The following PAQR3 variants were observed in gnomAD, a reference collection of about 807,000 sequenced individuals.
PAQR3 encodes the protein Raf kinase trapping to Golgi.
Under a neutral mutation model 41.7 loss-of-function variants are expected in PAQR3, and 39 were observed. The observed-to-expected ratio is 0.93, with a 90% CI of 0.72 to 1.22. PAQR3 has a LOEUF of 1.22. Ranked by LOEUF, PAQR3 falls within the 50% of genes most tolerant of loss-of-function variation. The pLI, the probability that PAQR3 is intolerant of heterozygous loss-of-function variation, is 0.00. For missense variants in PAQR3, 366 were observed against 385.6 expected, an observed-to-expected ratio of 0.95 and a Z score of 0.42; for synonymous variants, 140 against 140.6, an observed-to-expected ratio of 1.00 and a Z score of 0.03.
chr4:78,888,574 T>G (rs1733236676), intron 11 of PAQR3, among the ~76,000 whole-genome samples: 2 of 152,166 alleles, frequency 1.3e-5, no homozygotes, highest in South Asian at 4.1e-4. Flanking sequence ...TAATAGCATC[T>G]GAAAGAACCC....
chr4:78,925,099 T>C (rs1736059212), intron 4 of PAQR3, among the ~76,000 whole-genome samples: 1 of 152,150 alleles, frequency 6.6e-6, no homozygotes, highest in Non-Finnish European at 1.5e-5. Context: ...CTCACCGGAA[T>C]GATCTGTGAT....
rs1348034412 is a variant in PAQR3 at position 78,915,764 on chromosome 4, A to G, written c.*4775T>C. 1.3e-5 allele frequency: 2 copies of G among 152,016 alleles called. No homozygotes were observed. Among genetic ancestry groups the G allele is most frequent in the African/African-American group, 4.8e-5 (2 of 41,434 alleles). 9.4% of individuals were successfully genotyped at this position (152,016 alleles called of 1,614,324 possible). On this transcript the variant is annotated 3_prime_UTR_variant, in exon 6 of 6. Transcript: ENST00000512733. ...AGGGTTTACAAAAGCTACTAAGAGA[A>G]TAAGGTAGATGATAATGCAAAGGGT...
chr4:78,926,670 C>T lies in PAQR3; in HGVS notation c.553G>A (p.Val185Met). Residue 185 changes from valine (V) to methionine (M), a missense_variant, in exon 4 of 6, where the codon GTG becomes ATG. By Grantham distance (21) the Val-to-Met change is conservative (BLOSUM62 1). Coordinates refer to ENST00000512733, the MANE Select transcript of PAQR3 (RefSeq NM_001040202.2). The stretch of plus-strand genomic sequence containing the variant: ...TTGGGATGAATCTGCGCAAAGAACA[C>T]TGCCAGGATCATAGCAAGCACTGTG... ...LITVLAMILAVFFAQIHPNYL... is the reference protein window; with the variant it reads ...LITVLAMILAMFFAQIHPNYL... 6.2e-7 allele frequency: 1 copy of T among 1,614,056 alleles called. No homozygotes were observed. Among genetic ancestry groups the T allele is most frequent in the East Asian group, 2.2e-5 (1 of 44,886 alleles).
At chr4:78,909,103 G>T (rs1426136), downstream of PAQR3, among the ~76,000 whole-genome samples, 1 of 128,478 alleles carries the variant, frequency 7.8e-6, no homozygotes, top group Non-Finnish European at 1.6e-5. Flanking sequence ...CTTTGGCCCA[G>T]ACTGGAGTGC....
chr4:78,901,463 G>T (rs1180012547), intron 11 of PAQR3, among the ~76,000 whole-genome samples: 2 of 152,158 alleles, frequency 1.3e-5, no homozygotes, highest in Non-Finnish European at 2.9e-5. Context: ...CTTAACTGCT[G>T]AATGAAACCT....
In PAQR3 at chr4:78,931,427, T is replaced by C. The variant is rs1203819905; in HGVS notation, c.349-1102A>G. Reference sequence around the variant, plus strand: ...ATAATAATAATAATTTAAAAAACAGTGATGACTTGCTAACTTTATATGGTT... The same window carrying C: ...ATAATAATAATAATTTAAAAAACAGCGATGACTTGCTAACTTTATATGGTT... On this transcript the variant is annotated intron_variant, in intron 2 of 5. Transcript: ENST00000512733. 2.0e-5 allele frequency among the ~76,000 whole-genome samples: 3 copies of C among 152,066 alleles called. No individual in the cohort carries two copies. The East Asian group carries it at 5.8e-4, about 29-fold the overall frequency.
At chr4:78,908,907 C>T (rs1040527428), downstream of PAQR3, among the ~76,000 whole-genome samples, 2 of 152,160 alleles carry the variant, frequency 1.3e-5, no homozygotes, top group Non-Finnish European at 1.5e-5. Context: ...GTTAATGGTG[C>T]TGCCATCCAC....
chr4:78,936,789 A>G (rs1306233499), intron 1 of PAQR3, among the ~76,000 whole-genome samples: 2 of 152,182 alleles, frequency 1.3e-5, no homozygotes, highest in African/African-American at 4.8e-5. Context: ...TAACCTGACT[A>G]ACTGAACTGA....
chr4:78,896,607 T>C (rs1189023097), intron 11 of PAQR3, among the ~76,000 whole-genome samples: 1 of 152,224 alleles, frequency 6.6e-6, no homozygotes, highest in Non-Finnish European at 1.5e-5. Flanking sequence ...TTATTATACA[T>C]GGTGAATGCA....
chr4:78,921,251 A>G (rs746538617), intron 5 of PAQR3, among the ~76,000 whole-genome samples: 25 of 152,100 alleles, frequency 1.6e-4, no homozygotes, highest in Non-Finnish European at 2.8e-4. Context: ...ACAACTTAAG[A>G]GAACAATTTA....
chr4:78,930,327 T>C lies in PAQR3; in HGVS notation c.349-2A>G. 1.3e-6 allele frequency: 2 copies of C among 1,587,358 alleles called. No homozygotes were observed. The highest frequency in any genetic ancestry group is 1.7e-6 in the Non-Finnish European group (2 of 1,172,240). On this transcript the variant is annotated splice_acceptor_variant, in intron 2 of 5. Transcript: ENST00000512733. LOFTEE classifies it high-confidence loss of function. ...GCCCACAGAGCAAAGCATACAGACCTGTGAAAAATAAAAACAAATTAACAA... is the reference window on the plus strand; with the variant it reads ...GCCCACAGAGCAAAGCATACAGACCCGTGAAAAATAAAAACAAATTAACAA...
intron 11 of PAQR3, among the ~76,000 whole-genome samples, chr4:78,903,472 AAC>A (rs1261130417): frequency 2.0e-5 from 3 of 151,950 alleles, no homozygotes; most frequent in Non-Finnish European, 4.4e-5. Flanking sequence ...TTAGTAATCT[AAC>A]ACACACCCCC....
intron 5 of PAQR3, chr4:78,922,155 G>GT (rs1490929912): frequency 9.7e-7 from 1 of 1,030,576 alleles, no homozygotes; most frequent in Non-Finnish European, 1.2e-6. Flanking sequence ...ATTGTTTTCT[G>GT]TAATTCTGGC....
chr4:78,911,252 C>T, downstream of PAQR3: 1 of 1,613,980 alleles, frequency 6.2e-7, no homozygotes, highest in South Asian at 1.1e-5. Context: ...ACAAAGGCGC[C>T]TTTTAGCAAG....
intron 11 of PAQR3, among the ~76,000 whole-genome samples, chr4:78,890,484 T>A (rs972628483): frequency 6.6e-6 from 1 of 152,124 alleles, no homozygotes; most frequent in African/African-American, 2.4e-5. Flanking sequence ...GATTCAGTGT[T>A]CAGTGTCTAC....
At chr4:78,909,422 A>G (rs1734463807), downstream of PAQR3, among the ~76,000 whole-genome samples, 1 of 151,976 alleles carries the variant, frequency 6.6e-6, no homozygotes, top group Non-Finnish European at 1.5e-5. Context: ...TCCATTATAC[A>G]TGGAATTTTG....
chr4:78,887,316 C>G (rs1733150835), intron 12 of PAQR3: 2 of 1,445,226 alleles, frequency 1.4e-6, no homozygotes, highest in Non-Finnish European at 1.9e-6. Flanking sequence ...ATCACTGTCA[C>G]AAATAAAACA....
rs1701032658 is a variant in PAQR3, at chr4:78,913,325, T to C, written c.*7214A>G. On this transcript the variant is annotated 3_prime_UTR_variant, in exon 6 of 6. Coordinates refer to ENST00000512733, the MANE Select transcript of PAQR3 (RefSeq NM_001040202.2). ...GTGTCTTTACTGAAAAGAACCCAGC[T>C]ACCAATTTGCCTTTTTTTACACCAC... 1 of 152,180 alleles carries C rather than the reference T, an allele frequency of 6.6e-6. No individual in the cohort carries two copies. Among genetic ancestry groups the C allele is most frequent in the South Asian group, 2.1e-4 (1 of 4,836 alleles). The allele number at this position is 152,180 out of a possible 1,614,324, so 9.4% of individuals were successfully genotyped here.
chr4:78,925,005 T>C (rs1215829760), intron 4 of PAQR3, among the ~76,000 whole-genome samples: 1 of 152,148 alleles, frequency 6.6e-6, no homozygotes, highest in African/African-American at 2.4e-5. Context: ...TCCAGAACTT[T>C]TTAACTTTGT....
Sources: gnomAD v4.1 joint callset for allele counts (sites outside exome capture counted in the v4.1 genomes callset) on GRCh38, gnomAD v4.1.1 for gene constraint, MANE v1.5 for transcripts, NCBI Gene and HGNC (gene_info 2026-07-23, HGNC 2026-07-21) for gene names.